The following SLC44A5 variants were observed in gnomAD, a reference collection of about 807,000 sequenced individuals.
The protein encoded by SLC44A5 is choline transporter-like protein 5.
In SLC44A5, 57 loss-of-function variants were observed where a neutral mutation model predicts 101.8. The observed-to-expected ratio is 0.56, with a 90% CI of 0.45 to 0.70. The LOEUF is 0.70. Among genes scored for constraint, SLC44A5 ranks in the 30% least tolerant of loss-of-function variants. The pLI, the probability that SLC44A5 is intolerant of heterozygous loss-of-function variation, is 0.00. For synonymous variants in SLC44A5, 281 were observed against 290.9 expected (o/e 0.97, Z 0.35); for missense variants, 737 against 853.1 (o/e 0.86, Z 1.70).
chr1:75,247,961 G>T (rs548490760), intron 7 of SLC44A5, among the ~76,000 whole-genome samples: 1 of 151,978 alleles, frequency 6.6e-6, no homozygotes, highest in African/African-American at 2.4e-5. Flanking sequence ...AGTAGCTGGA[G>T]GGGGATGTGG....
At chr1:75,464,221 CAAAAAAA>C (rs57630961) in intron 2 of SLC44A5, among the ~76,000 whole-genome samples, 1 of 52,236 alleles carries the variant, frequency 1.9e-5, no homozygotes, top group Non-Finnish European at 3.7e-5. Flanking sequence ...GACTCTGTCT[CAAAAAAA>C]AAAAAAAAAA....
At chr1:75,328,565 G>T (rs1656785245) in intron 4 of SLC44A5, among the ~76,000 whole-genome samples, 1 of 152,130 alleles carries the variant, frequency 6.6e-6, no homozygotes, top group African/African-American at 2.4e-5. Flanking sequence ...AATTCATTAG[G>T]CAGCTGTGTT....
the SLC44A5 span, among the ~76,000 whole-genome samples, chr1:75,689,655 C>A: frequency 1.3e-5 from 2 of 152,196 alleles, no homozygotes; most frequent in East Asian, 3.9e-4. Context: ...ATTAACATTT[C>A]AGGATTAATT....
chr1:75,567,994 A>G (rs972328627), intron 1 of SLC44A5, among the ~76,000 whole-genome samples: 3 of 152,208 alleles, frequency 2.0e-5, no homozygotes, highest in African/African-American at 7.2e-5. Context: ...TTCTCGGCAT[A>G]TAGTTAAATA....
chr1:75,467,796 C>A (rs1046632205), intron 2 of SLC44A5, among the ~76,000 whole-genome samples: 1 of 152,040 alleles, frequency 6.6e-6, no homozygotes, highest in Non-Finnish European at 1.5e-5. Flanking sequence ...AGTAATACCC[C>A]ACAAGTGCAG....
intron 2 of SLC44A5, among the ~76,000 whole-genome samples, chr1:75,414,305 A>C (rs1162963657): frequency 2.6e-4 from 37 of 145,064 alleles, no homozygotes; most frequent in African/African-American, 9.9e-4. Flanking sequence ...ATACATACAT[A>C]CATACATACA....
chr1:75,610,924 T>C lies in SLC44A5; in HGVS notation c.-70+116A>G, dbSNP rs1350220579. 3.5e-5 allele frequency: 8 copies of C among 227,106 alleles called. No individual in the cohort carries two copies. In the East Asian group the frequency reaches 1.3e-3, roughly 36 times the overall value. 14.1% of individuals were successfully genotyped at this position (227,106 alleles called of 1,614,324 possible). On this transcript the variant is annotated intron_variant, in intron 1 of 23. Transcript: ENST00000370859. ...TAATTTATATTCAGACTTCACTATA[T>C]ATATGTGTGTGTGTGTGTGTATTTC...
chr1:75,637,691 A>G, the SLC44A5 span, among the ~76,000 whole-genome samples: 1 of 152,082 alleles, frequency 6.6e-6, no homozygotes, highest in South Asian at 2.1e-4. Flanking sequence ...GAAATTAAGC[A>G]GAGTAAAATA....
rs1553140823 is a variant in SLC44A5 at position 75,211,837 on chromosome 1, T to TC, written c.1963-286_1963-285insG. Among the ~76,000 whole-genome samples the TC allele has an allele frequency of 6.6e-4, 99 of 149,214 alleles. 1 individual carries two copies. The East Asian group carries it at 0.019, about 28-fold the overall frequency. On this transcript the variant is annotated intron_variant, in intron 22 of 23. Transcript: ENST00000370859. ...CCCTTTCTTTTCTTTTCTTTTCTTTTTTTTCTTTTCTTTTCCCTCCCTCCC... is the reference window on the plus strand; with the variant it reads ...CCCTTTCTTTTCTTTTCTTTTCTTTTCTTTTCTTTTCTTTTCCCTCCCTCCC...
chr1:75,216,478 T>C (rs1646964348), intron 18 of SLC44A5, among the ~76,000 whole-genome samples: 2 of 151,932 alleles, frequency 1.3e-5, no homozygotes, highest in South Asian at 4.1e-4. Context: ...GATTTCTGGG[T>C]CATATAAAAT....
the SLC44A5 span, among the ~76,000 whole-genome samples, chr1:75,646,360 T>A: frequency 6.6e-6 from 1 of 151,978 alleles, no homozygotes; most frequent in African/African-American, 2.4e-5. Context: ...CCTTTGTAAG[T>A]TGTATTCCTA....
chr1:75,549,334 A>C (rs1671815884), intron 1 of SLC44A5, among the ~76,000 whole-genome samples: 1 of 152,072 alleles, frequency 6.6e-6, no homozygotes. Flanking sequence ...GTTAACCACA[A>C]ATCTCAGACC....
At chr1:75,708,031 G>C in the SLC44A5 span, among the ~76,000 whole-genome samples, 1 of 152,030 alleles carries the variant, frequency 6.6e-6, no homozygotes, top group Admixed American at 6.6e-5. Context: ...ATGTATTATT[G>C]CTCTTAATAT....
chr1:75,444,423 GAGAAAGAAAGACAGAGAA>G (rs1665395178), intron 2 of SLC44A5, among the ~76,000 whole-genome samples: 2 of 134,636 alleles, frequency 1.5e-5, no homozygotes, highest in South Asian at 4.8e-4. Context: ...AAGAGAGAGA[GAGAAAGAAAGACAGAGAA>G]AGAAAGAAAG....
chr1:75,228,941 C>T (rs1647317792), intron 12 of SLC44A5, among the ~76,000 whole-genome samples: 1 of 151,390 alleles, frequency 6.6e-6, no homozygotes, highest in Non-Finnish European at 1.5e-5. Context: ...TGTCCAATGT[C>T]TAAAGCAATT....
chr1:75,694,928 T>C, the SLC44A5 span, among the ~76,000 whole-genome samples: 1 of 152,186 alleles, frequency 6.6e-6, no homozygotes, highest in African/African-American at 2.4e-5. Flanking sequence ...TTTGACATAT[T>C]ACTTGGCATA....
chr1:75,421,951 T>A (rs977747034), intron 2 of SLC44A5, among the ~76,000 whole-genome samples: 1 of 152,110 alleles, frequency 6.6e-6, no homozygotes, highest in Admixed American at 6.6e-5. Context: ...CTGCTATTCA[T>A]GTGACAAGGA....
At chr1:75,552,106 C>T (rs1671967631) in intron 1 of SLC44A5, among the ~76,000 whole-genome samples, 1 of 152,192 alleles carries the variant, frequency 6.6e-6, no homozygotes, top group African/African-American at 2.4e-5. Flanking sequence ...TGAGAATAAT[C>T]GTATATATTC....
At chr1:75,448,391 G>T (rs1320787037) in intron 2 of SLC44A5, among the ~76,000 whole-genome samples, 50 of 152,172 alleles carry the variant, frequency 3.3e-4, no homozygotes. Flanking sequence ...CCGAATGTTG[G>T]CCCAAATTTA....
Sources: allele counts gnomAD v4.1 joint callset (sites outside exome capture counted in the v4.1 genomes callset), GRCh38; gene constraint gnomAD v4.1.1; transcripts MANE v1.5; gene names NCBI Gene and HGNC (gene_info 2026-07-23, HGNC 2026-07-21).